The following KIF21A variants were observed in gnomAD, a reference collection of about 807,000 sequenced individuals.
KIF21A encodes kinesin-like protein KIF21A.
A neutral mutation model predicts 202.9 loss-of-function variants in KIF21A; 114 were observed. The observed-to-expected ratio is 0.56, with a 90% CI of 0.48 to 0.66. The LOEUF is 0.66. KIF21A is among the 30% of genes least tolerant of loss of function. KIF21A has a pLI of 0.00. For missense variants in KIF21A, 1,677 were observed against 1,994.9 expected, an observed-to-expected ratio of 0.84 and a Z score of 3.04; for synonymous variants, 667 against 670.8, an observed-to-expected ratio of 0.99 and a Z score of 0.09.
chr12:39,319,932 T>C lies in KIF21A; in HGVS notation c.3753A>G (p.Glu1251=). ...GCTTTTGTTCCTTGGCCTTTGATTT[T>C]TCTGCTTTCTCATATGCCTTTCTCC... ...VTRRKAYEKA[E]KSKAKEQKHS... is the part of the protein sequence containing the mutation. The change falls in exon 28 of 38, where the codon GAA becomes GAG. Residue 1251 remains glutamate (E), a synonymous_variant. Coordinates refer to ENST00000361418, the MANE Select transcript of KIF21A (RefSeq NM_001173464.2). 1 of 1,606,854 alleles carries C rather than the reference T, an allele frequency of 6.2e-7. No homozygotes were observed. Among genetic ancestry groups the C allele is most frequent in the Non-Finnish European group, 8.5e-7 (1 of 1,175,066 alleles).
chr12:39,416,023 C>T (rs1953550432), intron 1 of KIF21A, among the ~76,000 whole-genome samples: 1 of 152,080 alleles, frequency 6.6e-6, no homozygotes, highest in Non-Finnish European at 1.5e-5. Context: ...CAGGGAGCAA[C>T]AAGCCAGGGT....
At chr12:39,334,071 C>T (rs1946732874) in intron 17 of KIF21A, among the ~76,000 whole-genome samples, 5 of 151,474 alleles carry the variant, frequency 3.3e-5, no homozygotes, top group Admixed American at 2.0e-4. Context: ...CATGGTGGCA[C>T]GTGCCTCCAA....
chr12:39,424,822 C>T (rs1252142670), intron 1 of KIF21A, among the ~76,000 whole-genome samples: 1 of 152,100 alleles, frequency 6.6e-6, no homozygotes, highest in Non-Finnish European at 1.5e-5. Context: ...TACAGTCCAC[C>T]TTGTACCGAG....
chr12:39,416,795 AT>A (rs1388618426), intron 1 of KIF21A, among the ~76,000 whole-genome samples: 1 of 119,008 alleles, frequency 8.4e-6, no homozygotes. Flanking sequence ...ATGTGTATAT[AT>A]ATGTACATAT....
In KIF21A at chr12:39,330,888, C is replaced by G. The variant is rs761520066; in HGVS notation, c.3177G>C (p.Glu1059Asp). The change falls in exon 23 of 38, where the codon GAG (glutamate) becomes GAC (aspartate). Residue 1059 changes from glutamate to aspartate, a missense_variant. By Grantham distance (45) the Glu-to-Asp change is conservative. Transcript: ENST00000361418. ...GACCTTCCAGTACTTTAATTTGAGC[C>G]TCTTTCTGGGCAGCCTGAAGACCCT... ...INKGLQAAQK[E>D]AQIKVLEGRL... The G allele has an allele frequency of 1.2e-6, 2 of 1,613,918 alleles. No individual in the cohort carries two copies. The highest frequency in any genetic ancestry group is 2.7e-5 in the African/African-American group (2 of 75,020).
At chr12:39,411,588 G>A (rs995812641) in intron 1 of KIF21A, among the ~76,000 whole-genome samples, 4 of 152,248 alleles carry the variant, frequency 2.6e-5, no homozygotes, top group African/African-American at 2.4e-5. Context: ...GTGCAGTGGC[G>A]TGATCATGGC....
At chr12:39,431,811 A>G (rs17127129) in intron 1 of KIF21A, among the ~76,000 whole-genome samples, 17,456 of 152,276 alleles carry the variant, frequency 0.11, 1,021 homozygotes, top group East Asian at 0.14. Flanking sequence ...ATGTAACAAA[A>G]TAGATAAGAA....
chr12:39,366,445 A>G lies in KIF21A; in HGVS notation c.808T>C (p.Phe270Leu), dbSNP rs1592362890. ...GATCCTGCGAGATCAACAAAATGGA[A>G]CTTTGCAGTCAGGGTTTCAAATTCA... ...MNEFETLTAKFHFVDLAGSER... is the reference protein window; with the variant it reads ...MNEFETLTAKLHFVDLAGSER... Residue 270 changes from phenylalanine to leucine, a missense_variant, in exon 6 of 38, where the codon TTC (phenylalanine) becomes CTC (leucine). Transcript: ENST00000361418. The G allele has an allele frequency of 1.9e-6, 3 of 1,613,904 alleles. No homozygotes were observed. The highest frequency in any genetic ancestry group is 1.1e-5 in the South Asian group (1 of 91,066).
chr12:39,359,000 G>A (rs1047814317), intron 7 of KIF21A, among the ~76,000 whole-genome samples: 1 of 152,106 alleles, frequency 6.6e-6, no homozygotes, highest in African/African-American at 2.4e-5. Flanking sequence ...GCCCCATTAT[G>A]TTTGTATGTT....
At chr12:39,386,325 A>T (rs888024323) in intron 1 of KIF21A, among the ~76,000 whole-genome samples, 4 of 152,134 alleles carry the variant, frequency 2.6e-5, no homozygotes, top group African/African-American at 9.7e-5. Context: ...GTAATACCTG[A>T]GGGATGGTGA....
chr12:39,339,252 G>A (rs1419786062), intron 16 of KIF21A, among the ~76,000 whole-genome samples: 1 of 130,824 alleles, frequency 7.6e-6, no homozygotes, highest in Non-Finnish European at 1.6e-5. Flanking sequence ...AAAAAAAAAA[G>A]TGTACCATTT....
intron 1 of KIF21A, among the ~76,000 whole-genome samples, chr12:39,385,147 T>C (rs1302050578): frequency 1.3e-5 from 2 of 152,042 alleles, no homozygotes; most frequent in African/African-American, 4.8e-5. Context: ...GGGTGTCACC[T>C]TGGGGTCTGT....
In KIF21A at chr12:39,309,609, T is replaced by C. The variant is rs1943821250; in HGVS notation, c.4254A>G (p.Ser1418=). 1 of 1,612,424 alleles carries C rather than the reference T, an allele frequency of 6.2e-7. No homozygotes were observed. Among genetic ancestry groups the C allele is most frequent in the Non-Finnish European group, 8.5e-7 (1 of 1,179,434 alleles). Residue 1418 remains serine (S), a synonymous_variant, in exon 33 of 38, where the codon TCA becomes TCG. Transcript: ENST00000361418. ...ACGTTAGTGTTCGAATGCACTTTGCTGAATCTCTGATATCCCACACCTTAA... is the reference window on the plus strand; with the variant it reads ...ACGTTAGTGTTCGAATGCACTTTGCCGAATCTCTGATATCCCACACCTTAA... ...SYIKVWDIRD[S]AKCIRTLTSS...
At chr12:39,365,245 G>A (rs1949516756) in intron 6 of KIF21A, among the ~76,000 whole-genome samples, 1 of 152,140 alleles carries the variant, frequency 6.6e-6, no homozygotes, top group Non-Finnish European at 1.5e-5. Flanking sequence ...TAAAACTCCA[G>A]TCTTCCATTT....
intron 1 of KIF21A, among the ~76,000 whole-genome samples, chr12:39,429,526 CTGTTAAAGAAA>C (rs1237907384): frequency 7.2e-5 from 11 of 152,290 alleles, no homozygotes; most frequent in African/African-American, 2.2e-4. Flanking sequence ...GAAAGAATCT[CTGTTAAAGAAA>C]TAGATTTTTG....
At chr12:39,295,989 C>T (rs1394382164) in intron 37 of KIF21A, among the ~76,000 whole-genome samples, 1 of 138,790 alleles carries the variant, frequency 7.2e-6, no homozygotes, top group African/African-American at 2.7e-5. Context: ...TGAGCCACTG[C>T]GTCCACCCTG....
intron 1 of KIF21A, among the ~76,000 whole-genome samples, chr12:39,416,602 CATAT>C (rs367999803): frequency 9.9e-6 from 1 of 100,772 alleles, no homozygotes; most frequent in Non-Finnish European, 1.9e-5. Flanking sequence ...CTTAAATATA[CATAT>C]ATATATATAT....
intron 12 of KIF21A, among the ~76,000 whole-genome samples, chr12:39,344,199 G>T (rs1947696598): frequency 6.6e-6 from 1 of 152,040 alleles, no homozygotes; most frequent in Non-Finnish European, 1.5e-5. Context: ...TCTCTCTTAG[G>T]TTGCTTATAA....
In KIF21A at chr12:39,351,954, A is replaced by C. The variant is rs1948418833; in HGVS notation, c.1496T>G (p.Val499Gly). The C allele has an allele frequency of 6.2e-7, 1 of 1,613,066 alleles. No individual in the cohort carries two copies. Among genetic ancestry groups the C allele is most frequent in the African/African-American group, 1.3e-5 (1 of 74,868 alleles). Residue 499 changes from valine (V) to glycine (G), a missense_variant, in exon 11 of 38, where the codon GTG becomes GGG. By Grantham distance (109) the Val-to-Gly change is moderately radical. Around this residue, in one of 3 missense-constraint regions of KIF21A, gnomAD observed 966 missense variants for 1,180.9 expected, o/e 0.82. Transcript: ENST00000361418. ...CAAGTTTTTTCGAAGGTTCTCATTC[A>C]CTGCTTCACTTTCTAATAATTTTGC... ...LRAKLLESEA[V>G]NENLRKNLTR...
Sources: allele counts gnomAD v4.1 joint callset (sites outside exome capture counted in the v4.1 genomes callset), GRCh38; gene constraint gnomAD v4.1.1; regional missense constraint gnomAD v4.1.1; transcripts MANE v1.5; gene names NCBI Gene and HGNC (gene_info 2026-07-23, HGNC 2026-07-21).